Variants in TBL1XR1 observed in about 807,000 individuals in gnomAD.
TBL1XR1 encodes the protein F-box-like/WD repeat-containing protein TBL1XR1.
TBL1XR1 carries 5 observed loss-of-function variants against 66.9 expected under a neutral mutation model. The observed-to-expected ratio is 0.07, with a 90% CI of 0.04 to 0.16. TBL1XR1 has a LOEUF of 0.16. TBL1XR1 is among the 10% of genes least tolerant of loss of function. The pLI is 1.00. For synonymous variants in TBL1XR1, 210 were observed against 206.0 expected, an observed-to-expected ratio of 1.02 and a Z score of -0.17; for missense variants, 238 against 623.2, an observed-to-expected ratio of 0.38 and a Z score of 6.58.
chr3:177,048,633 C>G (rs923222133), intron 7 of TBL1XR1, among the ~76,000 whole-genome samples: 1 of 152,182 alleles, frequency 6.6e-6, no homozygotes, highest in Non-Finnish European at 1.5e-5. Flanking sequence ...TCTAAACTAT[C>G]AGTCCCTAAA....
chr3:177,191,898 G>C (rs1046560843), intron 1 of TBL1XR1, among the ~76,000 whole-genome samples: 5 of 146,862 alleles, frequency 3.4e-5, no homozygotes, highest in African/African-American at 1.0e-4. Flanking sequence ...TTCGAGACCA[G>C]CCTGACCAAC....
At chr3:177,107,136 T>C (rs1724984998) in intron 1 of TBL1XR1, among the ~76,000 whole-genome samples, 1 of 152,140 alleles carries the variant, frequency 6.6e-6, no homozygotes, top group Non-Finnish European at 1.5e-5. Context: ...TGTCAGCGGA[T>C]AATTACTAAA....
At chr3:177,036,620 T>C (rs1190620310) in intron 12 of TBL1XR1, among the ~76,000 whole-genome samples, 1 of 152,208 alleles carries the variant, frequency 6.6e-6, no homozygotes, top group Non-Finnish European at 1.5e-5. Flanking sequence ...GTTATAAGCA[T>C]TAATACGTGT....
intron 1 of TBL1XR1, among the ~76,000 whole-genome samples, chr3:177,126,456 C>A (rs972065654): frequency 2.0e-5 from 3 of 152,216 alleles, no homozygotes; most frequent in Non-Finnish European, 2.9e-5. Flanking sequence ...ATCATCAGGA[C>A]TTTCCCAGTG....
chr3:177,095,978 A>AT (rs1444411053), intron 2 of TBL1XR1, among the ~76,000 whole-genome samples: 2 of 152,208 alleles, frequency 1.3e-5, no homozygotes, highest in Non-Finnish European at 2.9e-5. Flanking sequence ...AAAATATCAC[A>AT]TGTACCCTAA....
chr3:177,192,220 T>C (rs1218407262), intron 1 of TBL1XR1, among the ~76,000 whole-genome samples: 2 of 151,664 alleles, frequency 1.3e-5, no homozygotes, highest in Non-Finnish European at 2.9e-5. Flanking sequence ...ACCCCGTCTC[T>C]ACTAAAAATA....
intron 1 of TBL1XR1, among the ~76,000 whole-genome samples, chr3:177,172,633 A>AAGAG (rs56803746): frequency 1.1e-4 from 13 of 117,634 alleles, no homozygotes; most frequent in Admixed American, 7.8e-4. Flanking sequence ...AGAAAGAGAG[A>AAGAG]AGAGAGAGAG....
At chr3:177,157,241 G>C (rs182493155) in intron 1 of TBL1XR1, among the ~76,000 whole-genome samples, 1 of 152,166 alleles carries the variant, frequency 6.6e-6, no homozygotes, top group Admixed American at 6.5e-5. Flanking sequence ...TTTCCTCTCC[G>C]GAGGCTCCTA....
chr3:177,072,869 G>C (rs1577082257), intron 2 of TBL1XR1, among the ~76,000 whole-genome samples: 1 of 152,278 alleles, frequency 6.6e-6, no homozygotes, highest in Non-Finnish European at 1.5e-5. Context: ...TTCGAGACCA[G>C]CCTGGCCAAC....
chr3:177,102,591 T>C lies in TBL1XR1; in HGVS notation c.-121-4050A>G, dbSNP rs562472484. Among the ~76,000 whole-genome samples, 7 of 152,356 alleles carry C rather than the reference T, an allele frequency of 4.6e-5. No individual in the cohort carries two copies. In the East Asian group the frequency reaches 1.2e-3, roughly 25 times the overall value. ...TGTATATTGAAACTATTGAAACTATTTGTATTAAAGGAATTCAAGTCCAAA... is the reference window on the plus strand; with the variant it reads ...TGTATATTGAAACTATTGAAACTATCTGTATTAAAGGAATTCAAGTCCAAA... On this transcript the variant is annotated intron_variant, in intron 1 of 15. Coordinates refer to ENST00000457928, the MANE Select transcript of TBL1XR1 (RefSeq NM_024665.7).
intron 2 of TBL1XR1, among the ~76,000 whole-genome samples, chr3:177,070,452 G>A (rs999883765): frequency 6.6e-6 from 1 of 152,140 alleles, no homozygotes; most frequent in Non-Finnish European, 1.5e-5. Context: ...AAGAAGATAG[G>A]TCATACTTCT....
chr3:177,051,747 G>A (rs748776472), intron 4 of TBL1XR1, 21 bp from the exon 5 acceptor site: 3 of 1,512,794 alleles, frequency 2.0e-6, no homozygotes, highest in Non-Finnish European at 2.7e-6. Context: ...AAAATTGTGA[G>A]AGAAGAAAAA....
At chr3:177,025,573 C>A in intron 15 of TBL1XR1, 49 bp from the exon 16 acceptor site, 1 of 1,565,950 alleles carries the variant, frequency 6.4e-7, no homozygotes, top group Non-Finnish European at 8.8e-7. Flanking sequence ...TTTTATTGTA[C>A]ATTTTATGTT....
chr3:177,166,762 A>C (rs1251574988), intron 1 of TBL1XR1, among the ~76,000 whole-genome samples: 2 of 152,154 alleles, frequency 1.3e-5, no homozygotes. Flanking sequence ...TACTACATAC[A>C]CCATTAGGGG....
At chr3:177,153,629 C>G (rs909326545) in intron 1 of TBL1XR1, among the ~76,000 whole-genome samples, 2 of 151,938 alleles carry the variant, frequency 1.3e-5, no homozygotes, top group Admixed American at 6.6e-5. Flanking sequence ...GGCTCACGAC[C>G]GTAATCCCAG....
intron 1 of TBL1XR1, among the ~76,000 whole-genome samples, chr3:177,178,427 G>GT (rs1283429539): frequency 6.6e-6 from 1 of 151,898 alleles, no homozygotes; most frequent in Non-Finnish European, 1.5e-5. Context: ...CATGCTAAAA[G>GT]TAACAAGCAC....
intron 3 of TBL1XR1, among the ~76,000 whole-genome samples, chr3:177,059,870 T>G (rs1354906239): frequency 6.6e-6 from 1 of 152,206 alleles, no homozygotes; most frequent in Non-Finnish European, 1.5e-5. Context: ...ACAGCTAGGA[T>G]AAAGCAGGCA....
intron 1 of TBL1XR1, among the ~76,000 whole-genome samples, chr3:177,103,935 G>A (rs1406624916): frequency 1.3e-5 from 2 of 152,090 alleles, no homozygotes; most frequent in Non-Finnish European, 2.9e-5. Flanking sequence ...GGCAAACATG[G>A]AGAAACCTCA....
chr3:177,175,967 G>C (rs1379726735), intron 1 of TBL1XR1, among the ~76,000 whole-genome samples: 3 of 151,274 alleles, frequency 2.0e-5, no homozygotes, highest in African/African-American at 7.3e-5. Flanking sequence ...TGAGGCAGGA[G>C]AATGGCGGGT....
Sources: allele counts gnomAD v4.1 joint callset (sites outside exome capture counted in the v4.1 genomes callset), GRCh38; gene constraint gnomAD v4.1.1; transcripts MANE v1.5; gene names NCBI Gene and HGNC (gene_info 2026-07-23, HGNC 2026-07-21).